Variants in SGIP1 observed in about 807,000 individuals in gnomAD.
The protein encoded by SGIP1 is SH3-containing GRB2-like protein 3-interacting protein 1.
SGIP1 carries 38 observed loss-of-function variants against 107.5 expected under a neutral mutation model. That is an observed-to-expected ratio of 0.35 (90% CI 0.27 to 0.46). The LOEUF (loss-of-function observed/expected upper bound fraction) is 0.46, where lower values mean the gene tolerates loss of function less well. Among genes scored for constraint, SGIP1 ranks in the 20% least tolerant of loss-of-function variants. The probability of loss-of-function intolerance (pLI) is 1.00; values close to 1 mark genes in which losing one functional copy is unlikely to be tolerated. For missense variants in SGIP1, 929 were observed against 1,019.5 expected (o/e 0.91, Z 1.21); for synonymous variants, 365 against 366.1 (o/e 1.00, Z 0.03).
At chr1:66,670,085 C>G (rs777355728) in intron 9 of SGIP1, among the ~76,000 whole-genome samples, 8 of 152,154 alleles carry the variant, frequency 5.3e-5, no homozygotes, top group Non-Finnish European at 1.0e-4. Flanking sequence ...CTTCAGCTTT[C>G]CCTGTCCTCA....
intron 1 of SGIP1, among the ~76,000 whole-genome samples, chr1:66,592,905 T>C (rs1383973148): frequency 1.5e-5 from 2 of 129,760 alleles, no homozygotes; most frequent in Non-Finnish European, 3.3e-5. Flanking sequence ...TTCTTTTTTT[T>C]TTTTTTTTTT....
At position 66,746,433 on chromosome 1, in the gene SGIP1, T is replaced by C. The variant is rs1477279628; in HGVS notation, c.*3338T>C. 1 of 152,120 alleles carries C rather than the reference T, an allele frequency of 6.6e-6. No homozygotes were observed. The highest frequency in any genetic ancestry group is 2.4e-5 in the African/African-American group (1 of 41,444). 9.4% of individuals were successfully genotyped at this position (152,120 alleles called of 1,614,324 possible). A position where few individuals can be genotyped will look rare whatever the true frequency, so the allele number is the denominator to read the frequency against. On this transcript the variant is annotated 3_prime_UTR_variant, in exon 25 of 25. Transcript: ENST00000371037. ...TAAATACCATAACAGTACACAATGA[T>C]CTATCATGTGTCTTCCAACTCTGAA...
intron 1 of SGIP1, among the ~76,000 whole-genome samples, chr1:66,605,877 G>A (rs1028721791): frequency 4.6e-5 from 7 of 152,048 alleles, no homozygotes; most frequent in Admixed American, 1.3e-4. Flanking sequence ...CCCGGACTGA[G>A]GCCCAGTTTT....
chr1:66,678,077 A>G (rs11811699), intron 13 of SGIP1, among the ~76,000 whole-genome samples: 41,621 of 152,162 alleles, frequency 0.27, 5,839 homozygotes, highest in Admixed American at 0.3. Flanking sequence ...TAGGAAAAAC[A>G]TCATTATCAA....
At position 66,542,428 on chromosome 1, in the gene SGIP1, G is replaced by A. The variant is rs114430145; in HGVS notation, c.10+8060G>A. ...AGATGTTACAGTGCCTACATGATGA[G>A]ATGAAGTGGAGTGAATGACGTATGC... On this transcript the variant is annotated intron_variant, in intron 1 of 24. Transcript: ENST00000371037. 5.4e-3 allele frequency among the ~76,000 whole-genome samples: 825 copies of A among 152,310 alleles called. 6 individuals carry two copies. The highest frequency in any genetic ancestry group is 0.019 in the African/African-American group (786 of 41,576).
intron 1 of SGIP1, among the ~76,000 whole-genome samples, chr1:66,598,430 T>C (rs1231753449): frequency 1.3e-5 from 2 of 152,240 alleles, no homozygotes; most frequent in African/African-American, 2.4e-5. Flanking sequence ...AGATGCTGAA[T>C]GAGCTTAAGG....
Position 66,745,756 on chromosome 1 carries a change from A to G in SGIP1, c.*2661A>G, listed in dbSNP as rs1165496654. ...TAAAAGGTTCTGCTTTAGCAAGATA[A>G]AAAGTATAAATGATGCTACTTTATT... On this transcript the variant is annotated 3_prime_UTR_variant, in exon 25 of 25. Transcript: ENST00000371037. The G allele has an allele frequency of 6.6e-6, 1 of 152,124 alleles. No individual in the cohort carries two copies. Among genetic ancestry groups the G allele is most frequent in the Non-Finnish European group, 1.5e-5 (1 of 67,958 alleles). 9.4% of individuals were successfully genotyped at this position (152,124 alleles called of 1,614,324 possible).
chr1:66,739,225 C>A, intron 21 of SGIP1, 110 bp from the exon 22 acceptor site: 1 of 1,193,606 alleles, frequency 8.4e-7, no homozygotes, highest in Non-Finnish European at 1.2e-6. Context: ...TTCACGGTGC[C>A]TCTCACTCAC....
intron 19 of SGIP1, among the ~76,000 whole-genome samples, chr1:66,727,039 A>G (rs1409157480): frequency 6.6e-6 from 1 of 152,234 alleles, no homozygotes; most frequent in Non-Finnish European, 1.5e-5. Context: ...CTTAAATAAG[A>G]CACCGAAAGA....
At chr1:66,636,055 A>G in intron 4 of SGIP1, 40 bp downstream of exon 4, 6 of 1,580,974 alleles carry the variant, frequency 3.8e-6, no homozygotes, top group Non-Finnish European at 5.2e-6. Flanking sequence ...CCAAAGGGTT[A>G]TAAAAAACAG....
chr1:66,718,361 C>A (rs544390696), intron 18 of SGIP1, among the ~76,000 whole-genome samples: 1 of 151,976 alleles, frequency 6.6e-6, no homozygotes, highest in South Asian at 2.1e-4. Context: ...TCAGAAGCTA[C>A]GGGTTACAGC....
At chr1:66,542,006 A>G (rs767301341) in intron 1 of SGIP1, among the ~76,000 whole-genome samples, 21 of 152,300 alleles carry the variant, frequency 1.4e-4, no homozygotes, top group Non-Finnish European at 2.8e-4. Context: ...AAGAATAAGT[A>G]CGGTAATCCT....
chr1:66,730,628 T>G (rs1455776419), intron 20 of SGIP1, among the ~76,000 whole-genome samples: 1 of 152,146 alleles, frequency 6.6e-6, no homozygotes, highest in Non-Finnish European at 1.5e-5. Context: ...GTAAATCAGG[T>G]CTCCTTTGTT....
At chr1:66,732,680 T>C (rs528286504) in intron 20 of SGIP1, among the ~76,000 whole-genome samples, 2 of 152,292 alleles carry the variant, frequency 1.3e-5, no homozygotes, top group East Asian at 3.9e-4. Flanking sequence ...TTTTGACCTG[T>C]CTTTTCACTT....
chr1:66,723,035 T>G (rs1445891729), intron 19 of SGIP1, among the ~76,000 whole-genome samples: 1 of 152,258 alleles, frequency 6.6e-6, no homozygotes. Context: ...TTTATTTCAT[T>G]AAAATTTTGA....
At position 66,629,089 on chromosome 1, in the gene SGIP1, T is replaced by A. The variant is rs111934896; in HGVS notation, c.74+3179T>A. Among the ~76,000 whole-genome samples, 324 of 152,364 alleles carry A rather than the reference T, an allele frequency of 2.1e-3. 3 individuals are homozygous for A. Among genetic ancestry groups the A allele is most frequent in the African/African-American group, 6.2e-3 (257 of 41,598 alleles). On this transcript the variant is annotated intron_variant, in intron 2 of 24. Coordinates refer to ENST00000371037, the MANE Select transcript of SGIP1 (RefSeq NM_032291.4). ...TCTAGCAATTTGCTGTCCCTTCAGC[T>A]TTAGTAAATGCTTGTGTTTGTCTGT...
chr1:66,692,103 G>C (rs1213557246), intron 17 of SGIP1, among the ~76,000 whole-genome samples: 1 of 149,658 alleles, frequency 6.7e-6, no homozygotes, highest in Non-Finnish European at 1.5e-5. Context: ...AGGTTGCAGT[G>C]AGCCAAGATC....
intron 8 of SGIP1, chr1:66,666,718 T>C (rs1486094783): frequency 6.6e-6 from 1 of 152,318 alleles, no homozygotes; most frequent in Non-Finnish European, 1.5e-5. Flanking sequence ...TTAGGTATTT[T>C]ATTCTCTTTG....
At chr1:66,562,553 C>A in intron 1 of SGIP1, among the ~76,000 whole-genome samples, 1 of 151,976 alleles carries the variant, frequency 6.6e-6, no homozygotes, top group Middle Eastern at 3.2e-3. Flanking sequence ...CTCCATTCAC[C>A]AAGGAGGGGT....
Sources: gnomAD v4.1 joint callset for allele counts (sites outside exome capture counted in the v4.1 genomes callset) on GRCh38, gnomAD v4.1.1 for gene constraint, MANE v1.5 for transcripts, NCBI Gene and HGNC (gene_info 2026-07-23, HGNC 2026-07-21) for gene names.